The following DPP6 variants were observed in gnomAD, a reference collection of about 807,000 sequenced individuals.
DPP6 encodes dipeptidyl peptidase like 6, also known as A-type potassium channel modulatory protein DPP6.
In DPP6, 69 loss-of-function variants were observed where a neutral mutation model predicts 122.6. That is an observed-to-expected ratio of 0.56 (90% CI 0.46 to 0.69). The LOEUF is 0.69. Ranked by LOEUF, DPP6 falls within the 30% of genes least tolerant of loss-of-function variation. DPP6 has a pLI of 0.00. For synonymous variants in DPP6, 418 were observed against 433.1 expected, an observed-to-expected ratio of 0.97 and a Z score of 0.43; for missense variants, 928 against 1,116.9, an observed-to-expected ratio of 0.83 and a Z score of 2.41.
chr7:153,837,862 T>TTTTTTTTTTTGG, the DPP6 span, among the ~76,000 whole-genome samples: 1 of 146,526 alleles, frequency 6.8e-6, no homozygotes, highest in Non-Finnish European at 1.5e-5. Context: ...TTTTTTTTTT[T>TTTTTTTTTTTGG]AGTAGAGATG....
At chr7:153,794,737 A>G in the DPP6 span, among the ~76,000 whole-genome samples, 1 of 152,172 alleles carries the variant, frequency 6.6e-6, no homozygotes, top group Non-Finnish European at 1.5e-5. Flanking sequence ...TGTATCTCTC[A>G]GAATTTCCAT....
chr7:154,887,936 G>A (rs1016359611), intron 23 of DPP6, among the ~76,000 whole-genome samples: 1 of 152,114 alleles, frequency 6.6e-6, no homozygotes, highest in African/African-American at 2.4e-5. Flanking sequence ...TCTGGGTTCC[G>A]CCTGATTTCC....
chr7:154,020,089 T>C lies in DPP6; in HGVS notation c.51+132355T>C, dbSNP rs544408879. ...ACAGCCCAGGTTTCAAATAAAACTT[T>C]CCAGAATTTCACACACACACAAACA... is the stretch of plus-strand genomic sequence containing the variant. On this transcript the variant is annotated intron_variant, in intron 1 of 25. Transcript: ENST00000404039. 2.7e-5 allele frequency among the ~76,000 whole-genome samples: 4 copies of C among 150,924 alleles called. No homozygotes were observed. In the South Asian group the frequency reaches 6.4e-4, roughly 24 times the overall value.
rs981296148 is a variant in DPP6, at chr7:154,411,813, T to C, written c.244-34401T>C. On this transcript the variant is annotated intron_variant, in intron 1 of 25. Coordinates refer to ENST00000377770, the MANE Select transcript of DPP6 (RefSeq NM_130797.4). ...ATTCGAGTAATTTTAACTCTATGAT[T>C]TGGGCGCTAATAATACTTATTGCAA... Among the ~76,000 whole-genome samples, 3 of 152,144 alleles carry C rather than the reference T, an allele frequency of 2.0e-5. No individual in the cohort carries two copies. In the South Asian group the frequency reaches 6.2e-4, roughly 31 times the overall value.
chr7:154,045,427 A>G (rs866381368), intron 1 of DPP6, among the ~76,000 whole-genome samples: 1 of 152,228 alleles, frequency 6.6e-6, no homozygotes, highest in African/African-American at 2.4e-5. Context: ...TGCATGCATC[A>G]GAATCATCTG....
chr7:154,725,152 T>A (rs1400062783), intron 7 of DPP6, among the ~76,000 whole-genome samples: 5 of 152,174 alleles, frequency 3.3e-5, no homozygotes, highest in African/African-American at 4.8e-5. Context: ...CCCCCATGAC[T>A]GCAGAGTAGG....
At chr7:153,995,916 A>G (rs994990769) in intron 1 of DPP6, among the ~76,000 whole-genome samples, 1 of 152,216 alleles carries the variant, frequency 6.6e-6, no homozygotes, top group Non-Finnish European at 1.5e-5. Context: ...CATCTATGGC[A>G]TTTGTTGACC....
At chr7:154,550,246 G>T (rs1829530575) in intron 4 of DPP6, among the ~76,000 whole-genome samples, 1 of 152,142 alleles carries the variant, frequency 6.6e-6, no homozygotes, top group African/African-American at 2.4e-5. Flanking sequence ...GTGAATATCA[G>T]ATGTTCACTT....
intron 1 of DPP6, among the ~76,000 whole-genome samples, chr7:154,236,346 C>T (rs1801211889): frequency 6.6e-6 from 1 of 152,094 alleles, no homozygotes; most frequent in Admixed American, 6.6e-5. Context: ...ATCAGCATGC[C>T]TATAGAGGCA....
intron 7 of DPP6, among the ~76,000 whole-genome samples, chr7:154,673,635 G>A (rs1439501643): frequency 6.6e-6 from 1 of 152,160 alleles, no homozygotes; most frequent in Admixed American, 6.5e-5. Flanking sequence ...GTTTGCTGAG[G>A]ACCCAGGATG....
the DPP6 span, among the ~76,000 whole-genome samples, chr7:153,756,243 A>G: frequency 6.6e-6 from 1 of 151,416 alleles, no homozygotes; most frequent in Non-Finnish European, 1.5e-5. Flanking sequence ...TTTTCCACAT[A>G]GTGTCTAGTT....
At chr7:153,817,689 T>C in the DPP6 span, among the ~76,000 whole-genome samples, 1 of 143,606 alleles carries the variant, frequency 7.0e-6, no homozygotes, top group East Asian at 2.1e-4. Context: ...CACCACATGT[T>C]CTCACTCATA....
intron 1 of DPP6, among the ~76,000 whole-genome samples, chr7:153,947,239 G>A (rs1801988190): frequency 6.6e-6 from 1 of 152,098 alleles, no homozygotes; most frequent in South Asian, 2.1e-4. Context: ...CGTAACCAGG[G>A]ACCTAGACCT....
intron 1 of DPP6, among the ~76,000 whole-genome samples, chr7:154,234,588 G>A (rs10952468): frequency 0.21 from 32,337 of 151,842 alleles, 6,193 homozygotes; most frequent in African/African-American, 0.52. Context: ...AAACCATCCA[G>A]TTAAACACAC....
At chr7:154,175,171 C>T (rs1202601362) in intron 1 of DPP6, among the ~76,000 whole-genome samples, 3 of 152,068 alleles carry the variant, frequency 2.0e-5, no homozygotes, top group African/African-American at 7.3e-5. Context: ...GACGTTGTCA[C>T]GAACCCAGTG....
intron 2 of DPP6, among the ~76,000 whole-genome samples, chr7:154,454,158 G>A (rs1206071589): frequency 6.6e-6 from 1 of 152,200 alleles, no homozygotes; most frequent in African/African-American, 2.4e-5. Context: ...ATCATGGGAA[G>A]CACAGGTGGC....
Position 154,755,374 on chromosome 7 carries a change from A to G in DPP6, c.884-14043A>G, listed in dbSNP as rs954640495. Among the ~76,000 whole-genome samples the G allele has an allele frequency of 6.6e-6, 1 of 152,148 alleles. No individual in the cohort carries two copies. The highest frequency in any genetic ancestry group is 3.2e-3 in the Middle Eastern group (1 of 316). On this transcript the variant is annotated intron_variant, in intron 8 of 25. Coordinates refer to ENST00000377770, the MANE Select transcript of DPP6 (RefSeq NM_130797.4). This position sits in a 1 kb window ranked among gnomAD's most constrained non-coding sequence, Gnocchi z 4.7. ...CTGGGGTTGTCATGGGAGACAGGTG[A>G]GGAGACTGGAGACAGGCAGGTGCAG...
chr7:154,543,929 G>A (rs948116048), intron 4 of DPP6, among the ~76,000 whole-genome samples: 23 of 148,014 alleles, frequency 1.6e-4, no homozygotes, highest in African/African-American at 5.5e-4. Context: ...GAGAGTTGGA[G>A]GTTGCAGTGA....
intron 3 of DPP6, among the ~76,000 whole-genome samples, chr7:154,539,794 AATT>A (rs1417507487): frequency 6.6e-6 from 1 of 151,694 alleles, no homozygotes; most frequent in Non-Finnish European, 1.5e-5. Context: ...AATTAAAAAA[AATT>A]ATTGGTGTAT....
Sources: gnomAD v4.1 joint callset for allele counts (sites outside exome capture counted in the v4.1 genomes callset) on GRCh38, gnomAD v4.1.1 for gene constraint, Gnocchi (gnomAD v3.1) non-coding constraint, MANE v1.5 for transcripts, NCBI Gene and HGNC (gene_info 2026-07-23, HGNC 2026-07-21) for gene names.